PCDHA10: variants seen among roughly 807,000 people sequenced by gnomAD.
PCDHA10 encodes the protein protocadherin alpha 10, also known as protocadherin alpha-10.
PCDHA10 carries 45 observed loss-of-function variants against 61.2 expected under a neutral mutation model. The ratio of observed to expected loss-of-function variants is 0.74; its 90% CI spans 0.58 to 0.94. The LOEUF (loss-of-function observed/expected upper bound fraction) is 0.94, where lower values mean the gene tolerates loss of function less well. Among genes scored for constraint, PCDHA10 ranks in the 40% least tolerant of loss-of-function variants. The pLI is 0.00. For missense variants in PCDHA10, 1,278 were observed against 1,236.2 expected, an observed-to-expected ratio of 1.03 and a Z score of -0.51; for synonymous variants, 602 against 548.8, an observed-to-expected ratio of 1.10 and a Z score of -1.35.
chr5:140,928,732 A>G, intron 1 of PCDHA10: 1 of 1,614,114 alleles, frequency 6.2e-7, no homozygotes, highest in South Asian at 1.1e-5. Context: ...AATTTCAGCC[A>G]ATATAGGTGA....
chr5:140,941,214 C>CCTTTCTTT lies in PCDHA10; in HGVS notation c.2389-37700_2389-37693dup, dbSNP rs60032403. On this transcript the variant is annotated intron_variant, in intron 1 of 3. Coordinates refer to ENST00000307360, the MANE Select transcript of PCDHA10 (RefSeq NM_018901.4). ...TTTTTTCTTTCTTCCTTTCTTTCTTCCTTTCTTTCTTTCTTTCTTTCTTTC... is the reference window on the plus strand; with the variant it reads ...TTTTTTCTTTCTTCCTTTCTTTCTTCCTTTCTTTCTTTCTTTCTTTCTTTCTTTCTTTC... Among the ~76,000 whole-genome samples, 464 of 122,456 alleles carry CCTTTCTTT rather than the reference C, an allele frequency of 3.8e-3. 7 individuals are homozygous for CCTTTCTTT. The highest frequency in any genetic ancestry group is 0.025 in the Middle Eastern group (6 of 238). 80.3% of individuals were successfully genotyped at this position (122,456 alleles called of 152,430 possible).
chr5:140,927,257 C>T, intron 1 of PCDHA10: 1 of 1,614,152 alleles, frequency 6.2e-7, no homozygotes, highest in Non-Finnish European at 8.5e-7. Flanking sequence ...GACAACTCAC[C>T]TCTCTTTCCT....
intron 1 of PCDHA10, among the ~76,000 whole-genome samples, chr5:140,872,949 C>T (rs547023229): frequency 2.0e-5 from 3 of 152,234 alleles, no homozygotes; most frequent in African/African-American, 2.4e-5. Context: ...TTTCTTTCCA[C>T]GTAGTATCAT....
chr5:141,006,126 G>T (rs1554260581), intron 3 of PCDHA10, among the ~76,000 whole-genome samples: 1 of 151,330 alleles, frequency 6.6e-6, no homozygotes. Flanking sequence ...TTTTCTCAAG[G>T]CAGTAGAAAG....
intron 1 of PCDHA10, among the ~76,000 whole-genome samples, chr5:140,915,121 A>G (rs982484419): frequency 1.1e-4 from 16 of 151,600 alleles, no homozygotes; most frequent in African/African-American, 3.9e-4. Flanking sequence ...CCTAATTTTT[A>G]TATTTTTAGT....
chr5:140,902,530 G>A (rs569387885), intron 1 of PCDHA10, among the ~76,000 whole-genome samples: 11 of 152,144 alleles, frequency 7.2e-5, no homozygotes, highest in African/African-American at 2.7e-4. Flanking sequence ...TTATTATGTT[G>A]AGGTATGTTC....
At chr5:140,883,577 G>A (rs782633953) in intron 1 of PCDHA10, 3 of 1,614,052 alleles carry the variant, frequency 1.9e-6, no homozygotes, top group Non-Finnish European at 2.5e-6. Context: ...TTCGCTGTGG[G>A]CCACGGCCAG....
At chr5:140,883,773 G>T (rs1362933627) in intron 1 of PCDHA10, 4 of 1,612,256 alleles carry the variant, frequency 2.5e-6, no homozygotes, top group Admixed American at 1.7e-5. Flanking sequence ...GTGGGCGAGC[G>T]TGCGCTGTCG....
At position 140,949,239 on chromosome 5, in the gene PCDHA10, C is replaced by T. The variant is rs563720988; in HGVS notation, c.2389-29710C>T. 4.0e-5 allele frequency among the ~76,000 whole-genome samples: 6 copies of T among 151,886 alleles called. No individual in the cohort carries two copies. The East Asian group carries it at 1.2e-3, about 29-fold the overall frequency. On this transcript the variant is annotated intron_variant, in intron 1 of 3. Transcript: ENST00000307360. ...TTAGACTTGTTCTGTGGCCCAGCAA[C>T]AGTCTATCTTGATGAACATATCACG...
intron 1 of PCDHA10, among the ~76,000 whole-genome samples, chr5:140,959,626 AAG>A (rs529579902): frequency 6.2e-4 from 95 of 152,334 alleles, no homozygotes; most frequent in African/African-American, 2.0e-3. Context: ...GATAGAAAAA[AAG>A]AGAGAAAAAA....
intron 3 of PCDHA10, among the ~76,000 whole-genome samples, chr5:140,996,297 T>TGTAACAAAGTAAGGGG (rs2097720569): frequency 6.6e-6 from 1 of 152,196 alleles, no homozygotes; most frequent in Non-Finnish European, 1.5e-5. Context: ...AAGCACAGAT[T>TGTAACAAAGTAAGGGG]GTAACAAAGT....
intron 1 of PCDHA10, chr5:140,866,767 G>C (rs913136809): frequency 1.3e-5 from 2 of 152,154 alleles, no homozygotes; most frequent in East Asian, 1.9e-4. Context: ...CATACAGGCA[G>C]ATTGTATGTC....
chr5:140,941,241 T>TTCTTTCTTTC (rs2092943774), intron 1 of PCDHA10, among the ~76,000 whole-genome samples: 1 of 140,458 alleles, frequency 7.1e-6, no homozygotes, highest in African/African-American at 2.7e-5. Flanking sequence ...CTTTCTTTCT[T>TTCTTTCTTTC]TCTTTCTTTC....
chr5:141,010,282 A>C lies in PCDHA10; in HGVS notation c.*345A>C, dbSNP rs375556483. The C allele has an allele frequency of 6.4e-7, 1 of 1,551,130 alleles. No homozygotes were observed. Among genetic ancestry groups the C allele is most frequent in the Admixed American group, 2.0e-5 (1 of 50,878 alleles). On this transcript the variant is annotated 3_prime_UTR_variant, in exon 4 of 4. Transcript: ENST00000307360. ...GTGCTCCGGGGATCCTGTCTTGATGACACTTGCAGGGCAGGCTGAAAAGTT... is the reference window on the plus strand; with the variant it reads ...GTGCTCCGGGGATCCTGTCTTGATGCCACTTGCAGGGCAGGCTGAAAAGTT...
chr5:140,891,596 A>T (rs191602934), intron 1 of PCDHA10, among the ~76,000 whole-genome samples: 2 of 152,134 alleles, frequency 1.3e-5, no homozygotes, highest in African/African-American at 4.8e-5. Flanking sequence ...ACTCTATCCC[A>T]TCTATTTCTA....
intron 1 of PCDHA10, among the ~76,000 whole-genome samples, chr5:140,885,076 A>G (rs1032982957): frequency 1.3e-5 from 2 of 152,226 alleles, no homozygotes; most frequent in African/African-American, 4.8e-5. Context: ...ATTATTTTAA[A>G]GAGCCCCATA....
intron 1 of PCDHA10, among the ~76,000 whole-genome samples, chr5:140,895,581 TTAGA>T (rs1442561424): frequency 6.6e-6 from 1 of 152,216 alleles, no homozygotes; most frequent in Non-Finnish European, 1.5e-5. Flanking sequence ...AATTACTTTA[TTAGA>T]TATATAATTT....
chr5:140,967,019 C>T (rs887648506), intron 1 of PCDHA10: 1 of 1,607,542 alleles, frequency 6.2e-7, no homozygotes, highest in Non-Finnish European at 8.5e-7. Flanking sequence ...TCTGGGTGCG[C>T]CCAGTCCGCG....
chr5:140,863,149 G>T, intron 1 of PCDHA10: 1 of 617,002 alleles, frequency 1.6e-6, no homozygotes, highest in Non-Finnish European at 3.1e-6. Context: ...GCTGGTGAAG[G>T]ACCACTGCGA....
Sources: gnomAD v4.1 joint callset for allele counts (sites outside exome capture counted in the v4.1 genomes callset) on GRCh38, gnomAD v4.1.1 for gene constraint, MANE v1.5 for transcripts, NCBI Gene and HGNC (gene_info 2026-07-23, HGNC 2026-07-21) for gene names.